The following KCNH1 variants were observed in gnomAD, a reference collection of about 807,000 sequenced individuals.
KCNH1 encodes voltage-gated delayed rectifier potassium channel KCNH1.
In KCNH1, 27 loss-of-function variants were observed where a neutral mutation model predicts 69.2. That is an observed-to-expected ratio of 0.39 (90% confidence interval 0.29 to 0.54). KCNH1 has a LOEUF of 0.54. Among genes scored for constraint, KCNH1 ranks in the 20% least tolerant of loss-of-function variants. The pLI, the probability that KCNH1 is intolerant of heterozygous loss-of-function variation, is 0.68. For missense variants in KCNH1, 798 were observed against 1,261.6 expected, an observed-to-expected ratio of 0.63 and a Z score of 5.57; for synonymous variants, 456 against 487.7, an observed-to-expected ratio of 0.93 and a Z score of 0.86.
intron 10 of KCNH1, among the ~76,000 whole-genome samples, chr1:210,704,398 C>G (rs1241623430): frequency 6.6e-6 from 1 of 152,150 alleles, no homozygotes; most frequent in East Asian, 1.9e-4. Context: ...CCTCTGATAA[C>G]AAAGGCAGAG....
chr1:210,719,043 A>G (rs1269869932), intron 10 of KCNH1, among the ~76,000 whole-genome samples: 1 of 152,196 alleles, frequency 6.6e-6, no homozygotes, highest in Non-Finnish European at 1.5e-5. Flanking sequence ...AAAATTGCCC[A>G]CAACTGCATT....
intron 6 of KCNH1, among the ~76,000 whole-genome samples, chr1:211,006,530 T>TCTGGGG (rs1571572754): frequency 6.6e-6 from 1 of 152,228 alleles, no homozygotes; most frequent in African/African-American, 2.4e-5. Flanking sequence ...ATCAAGTTGC[T>TCTGGGG]CTGGGGGAGG....
chr1:210,683,729 T>G lies in KCNH1; in HGVS notation c.2522A>C (p.Lys841Thr), dbSNP rs569683320. 6.2e-7 allele frequency: 1 copy of G among 1,614,182 alleles called. No homozygotes were observed. The highest frequency in any genetic ancestry group is 1.3e-5 in the African/African-American group (1 of 75,060). Residue 841 changes from lysine to threonine, a missense_variant, in exon 11 of 11, where the codon AAA becomes ACA. Lys to Thr is a moderately conservative substitution (Grantham distance 78, BLOSUM62 -1). Transcript: ENST00000271751. This position sits in a 1 kb window ranked among gnomAD's most constrained non-coding sequence, Gnocchi z 5.7. The part of the protein sequence containing the change: ...CAKRKSWARF[K>T]DACGKSEDWN... ...GTCCTCACTCTTCCCGCAAGCATCTTTGAAGCGGGCCCAGCTTTTGCGCTT... is the reference window on the plus strand; with the variant it reads ...GTCCTCACTCTTCCCGCAAGCATCTGTGAAGCGGGCCCAGCTTTTGCGCTT...
intron 6 of KCNH1, among the ~76,000 whole-genome samples, chr1:210,997,192 C>T (rs557617541): frequency 5.3e-5 from 8 of 152,290 alleles, no homozygotes; most frequent in Admixed American, 1.3e-4. Context: ...CAGAAGAAGG[C>T]TTCAGACGAT....
rs137926647 is a variant in KCNH1, at chr1:210,854,966, G to T, written c.1463-50800C>A. Among the ~76,000 whole-genome samples the T allele has an allele frequency of 3.6e-3, 546 of 152,294 alleles. 4 individuals are homozygous for T. The highest frequency in any genetic ancestry group is 0.013 in the African/African-American group (526 of 41,556). ...TAATAATTCAGACAATAGAGGTTTA[G>T]CTGGTGAAAAGTGTCTGGGGCTCAC... On this transcript the variant is annotated intron_variant, in intron 7 of 10. Transcript: ENST00000271751.
chr1:211,060,670 C>T (rs370830424), intron 5 of KCNH1, among the ~76,000 whole-genome samples: 4 of 151,834 alleles, frequency 2.6e-5, no homozygotes, highest in Admixed American at 1.3e-4. Context: ...TCATTAGAAG[C>T]TACTATGAGC....
At chr1:210,840,410 G>A (rs1292653897) in intron 7 of KCNH1, among the ~76,000 whole-genome samples, 3 of 152,302 alleles carry the variant, frequency 2.0e-5, no homozygotes, top group Admixed American at 6.5e-5. Context: ...AAAGAAAAAA[G>A]CCAAGGAAAG....
chr1:211,070,384 C>G (rs1690615998), intron 5 of KCNH1, among the ~76,000 whole-genome samples: 1 of 151,116 alleles, frequency 6.6e-6, no homozygotes, highest in Non-Finnish European at 1.5e-5. Flanking sequence ...CACCACCGCA[C>G]TCCAGCCTGG....
chr1:210,956,847 T>A (rs145069094), intron 6 of KCNH1, among the ~76,000 whole-genome samples: 1,837 of 152,274 alleles, frequency 0.012, 16 homozygotes, highest in Middle Eastern at 0.034. Context: ...ATTTTGTTGA[T>A]CTTTTCAAAA....
At chr1:211,029,334 T>TAAAAAAAA (rs58241322) in intron 5 of KCNH1, among the ~76,000 whole-genome samples, 8 of 23,146 alleles carry the variant, frequency 3.5e-4, no homozygotes, top group Non-Finnish European at 5.5e-4. Context: ...TCCTGTCACT[T>TAAAAAAAA]AAAAAAAAAA....
In KCNH1 at chr1:210,682,740, C is replaced by T. The variant is rs891674500; in HGVS notation, c.*541G>A. The T allele has an allele frequency of 6.5e-6, 1 of 154,868 alleles. No individual in the cohort carries two copies. The highest frequency in any genetic ancestry group is 1.9e-4 in the East Asian group (1 of 5,218). The allele number at this position is 154,868 out of a possible 1,614,324, so 9.6% of individuals were successfully genotyped here. A position where few individuals can be genotyped will look rare whatever the true frequency, so the allele number is the denominator to read the frequency against. On this transcript the variant is annotated 3_prime_UTR_variant, in exon 11 of 11. Transcript: ENST00000271751. Reference sequence around the variant, plus strand: ...AGACAGAAAGTTTCTGAGCTCTACCCTCCTGTCCCTCAAGCTCTGCTTGTC... The same window carrying T: ...AGACAGAAAGTTTCTGAGCTCTACCTTCCTGTCCCTCAAGCTCTGCTTGTC...
At chr1:210,884,023 T>C (rs1168107510) in intron 7 of KCNH1, among the ~76,000 whole-genome samples, 1 of 152,056 alleles carries the variant, frequency 6.6e-6, no homozygotes, top group Non-Finnish European at 1.5e-5. Flanking sequence ...ACAGCTCTAA[T>C]CCATGTCCCT....
At chr1:210,688,319 G>C (rs144065605) in intron 10 of KCNH1, among the ~76,000 whole-genome samples, 1 of 152,304 alleles carries the variant, frequency 6.6e-6, no homozygotes. Context: ...GGGACCTCTT[G>C]TCTCTAACTC....
intron 6 of KCNH1, among the ~76,000 whole-genome samples, chr1:211,017,612 A>G (rs549134236): frequency 6.6e-6 from 1 of 152,324 alleles, no homozygotes; most frequent in East Asian, 1.9e-4. Context: ...CACAAACTAG[A>G]TAAGAATCTG....
In KCNH1 at chr1:211,090,633, A is replaced by G. The variant is rs1417609305; in HGVS notation, c.368T>C (p.Val123Ala). 1 of 1,609,516 alleles carries G rather than the reference A, an allele frequency of 6.2e-7. No homozygotes were observed. Among genetic ancestry groups the G allele is most frequent in the Non-Finnish European group, 8.5e-7 (1 of 1,179,080 alleles). The change falls in exon 4 of 11, where the codon GTG becomes GCG. Residue 123 changes from valine (V) to alanine (A), a missense_variant. Physicochemically the swap from Val to Ala is moderately conservative, Grantham distance 64. Coordinates refer to ENST00000271751, the MANE Select transcript of KCNH1 (RefSeq NM_172362.3). ...IAPIRNEQDK[V>A]VLFLCTFSDI... ...ACTGAAAGTGCAAAGAAATAAAACC[A>G]CTTTATCCTGTTCGTTTCGAATTGG...
intron 5 of KCNH1, among the ~76,000 whole-genome samples, chr1:211,060,324 C>G (rs1443838485): frequency 6.9e-6 from 1 of 145,040 alleles, no homozygotes; most frequent in Admixed American, 7.0e-5. Context: ...TCTTATGAAC[C>G]CGGGAGGCGG....
chr1:210,954,078 C>A (rs1326764560), intron 6 of KCNH1, among the ~76,000 whole-genome samples: 1 of 151,974 alleles, frequency 6.6e-6, no homozygotes, highest in Non-Finnish European at 1.5e-5. Flanking sequence ...AAGACAGGCC[C>A]CAGTGTGTGA....
At chr1:210,835,924 G>A (rs556168980) in intron 7 of KCNH1, among the ~76,000 whole-genome samples, 41 of 152,044 alleles carry the variant, frequency 2.7e-4, no homozygotes, top group African/African-American at 9.2e-4. Context: ...GAGATCAGGT[G>A]TTTGAGACCA....
At chr1:211,129,800 C>G (rs1177729437) in intron 1 of KCNH1, among the ~76,000 whole-genome samples, 1 of 152,158 alleles carries the variant, frequency 6.6e-6, no homozygotes, top group Non-Finnish European at 1.5e-5. Context: ...CAACCTGAAC[C>G]AACTTAACAC....
Sources: gnomAD v4.1 joint callset for allele counts (sites outside exome capture counted in the v4.1 genomes callset) on GRCh38, gnomAD v4.1.1 for gene constraint, Gnocchi (gnomAD v3.1) non-coding constraint, MANE v1.5 for transcripts, NCBI Gene and HGNC (gene_info 2026-07-23, HGNC 2026-07-21) for gene names.